Variants in ADAMTSL1 observed in about 807,000 individuals in gnomAD.
ADAMTSL1 encodes ADAMTS-like protein 1.
A neutral mutation model predicts 201.8 loss-of-function variants in ADAMTSL1; 126 were observed. The ratio of observed to expected loss-of-function variants is 0.62; its 90% CI spans 0.54 to 0.72. The LOEUF is 0.72. Among genes scored for constraint, ADAMTSL1 ranks in the 30% least tolerant of loss-of-function variants. The probability of loss-of-function intolerance (pLI) is 0.00; values close to 1 mark genes in which losing one functional copy is unlikely to be tolerated. For synonymous variants in ADAMTSL1, 1,121 were observed against 903.4 expected (o/e 1.24, Z -4.32); for missense variants, 2,679 against 2,277.8 (o/e 1.18, Z -3.59).
chr9:18,603,195 TAAC>T (rs71333049), intron 4 of ADAMTSL1, among the ~76,000 whole-genome samples: 78,531 of 151,612 alleles, frequency 0.52, 20,755 homozygotes, highest in East Asian at 0.69. Flanking sequence ...TGAATCCTTA[TAAC>T]AACAACTCTT....
At chr9:18,658,119 C>T (rs1410832640) in intron 8 of ADAMTSL1, among the ~76,000 whole-genome samples, 2 of 152,068 alleles carry the variant, frequency 1.3e-5, no homozygotes, top group Middle Eastern at 3.2e-3. Flanking sequence ...GGACTGCAGG[C>T]GCCCGCCACC....
rs1587438748 is a variant in ADAMTSL1, at chr9:18,271,094, C to G, written c.207+107113C>G. On this transcript the variant is annotated intron_variant, in intron 2 of 29. Coordinates refer to the ADAMTSL1 transcript ENST00000680146. The stretch of plus-strand genomic sequence containing the variant: ...TGTTGTAAACAGTGGAATTTGGGAA[C>G]TTATCTGTTCTAGTAACTAACATTG... 2.0e-5 allele frequency among the ~76,000 whole-genome samples: 3 copies of G among 152,110 alleles called. No homozygotes were observed. The South Asian group carries it at 6.2e-4, about 32-fold the overall frequency.
chr9:18,673,493 G>A (rs556841245), intron 9 of ADAMTSL1, among the ~76,000 whole-genome samples: 1 of 152,340 alleles, frequency 6.6e-6, no homozygotes, highest in African/African-American at 2.4e-5. Flanking sequence ...TAGTTTTGCT[G>A]AATCCAGGTT....
At chr9:18,021,286 A>G (rs7849523) in intron 1 of ADAMTSL1, among the ~76,000 whole-genome samples, 8,169 of 152,134 alleles carry the variant, frequency 0.054, 249 homozygotes, top group African/African-American at 0.074. Context: ...AACACTTCAT[A>G]TTTTCTTCTG....
chr9:18,727,131 A>G (rs1817939511), intron 15 of ADAMTSL1, among the ~76,000 whole-genome samples: 1 of 152,260 alleles, frequency 6.6e-6, no homozygotes, highest in African/African-American at 2.4e-5. Context: ...CTTTTATATT[A>G]GCTTACAATG....
intron 1 of ADAMTSL1, among the ~76,000 whole-genome samples, chr9:18,020,882 G>A (rs796967545): frequency 2.2e-4 from 34 of 152,214 alleles, no homozygotes; most frequent in African/African-American, 7.9e-4. Flanking sequence ...ACACTGTTAT[G>A]TTTAAAAGCC....
intron 1 of ADAMTSL1, among the ~76,000 whole-genome samples, chr9:18,060,268 G>A (rs777410102): frequency 1.3e-5 from 2 of 152,110 alleles, no homozygotes; most frequent in Non-Finnish European, 2.9e-5. Context: ...CTTTTGCCTG[G>A]ATCAAATATT....
At chr9:18,290,787 T>TTTTGTTTTTTTTTTTTTTTTG (rs1563862919) in intron 2 of ADAMTSL1, among the ~76,000 whole-genome samples, 1 of 146,102 alleles carries the variant, frequency 6.8e-6, no homozygotes, top group Non-Finnish European at 1.5e-5. Flanking sequence ...GTGTGTTTTT[T>TTTTGTTTTTTTTTTTTTTTTG]TTTTTTTTTT....
intron 1 of ADAMTSL1, among the ~76,000 whole-genome samples, chr9:17,924,315 T>A (rs1192341993): frequency 1.3e-5 from 2 of 152,166 alleles, no homozygotes; most frequent in Non-Finnish European, 2.9e-5. Context: ...CCGTTATTGG[T>A]CTATTCAGAG....
chr9:18,527,810 G>A (rs1168776649), intron 2 of ADAMTSL1, among the ~76,000 whole-genome samples: 1 of 152,138 alleles, frequency 6.6e-6, no homozygotes, highest in South Asian at 2.1e-4. Context: ...GACTGGGCAG[G>A]AGTAAAATGG....
At chr9:18,781,779 T>G (rs930956324) in intron 19 of ADAMTSL1, among the ~76,000 whole-genome samples, 1 of 152,242 alleles carries the variant, frequency 6.6e-6, no homozygotes, top group Non-Finnish European at 1.5e-5. Flanking sequence ...TGTGGGACTT[T>G]GCAATTTGTT....
chr9:18,600,833 C>A (rs1325610708), intron 4 of ADAMTSL1, among the ~76,000 whole-genome samples: 1 of 152,288 alleles, frequency 6.6e-6, no homozygotes, highest in South Asian at 2.1e-4. Context: ...TTAGCCTGTA[C>A]CTATGGTTGT....
Position 18,776,928 on chromosome 9 carries a change from C to T in ADAMTSL1, c.2699C>T (p.Pro900Leu), listed in dbSNP as rs376039296. ...LPKTAVVLRC[P>L]ARRVRKPLIT... is the part of the protein sequence containing the mutation. ...AAGACGGCGGTGGTGCTGCGCTGCCCGGCGCGCAGGGTCCGCAAGCCCCTC... is the reference window on the plus strand; with the variant it reads ...AAGACGGCGGTGGTGCTGCGCTGCCTGGCGCGCAGGGTCCGCAAGCCCCTC... Residue 900 changes from proline to leucine, a missense_variant, in exon 19 of 29, where the codon CCG (proline) becomes CTG (leucine). Transcript: ENST00000380548. 3.2e-5 allele frequency: 51 copies of T among 1,603,472 alleles called. No homozygotes were observed. The highest frequency in any genetic ancestry group is 3.8e-5 in the Non-Finnish European group (45 of 1,175,304).
At chr9:18,756,147 C>T (rs1330503446) in intron 16 of ADAMTSL1, among the ~76,000 whole-genome samples, 2 of 120,556 alleles carry the variant, frequency 1.7e-5, no homozygotes, top group Middle Eastern at 4.9e-3. Flanking sequence ...GGTGTGGTGG[C>T]GGGCACCTGT....
chr9:18,242,932 A>G (rs1037379442), intron 2 of ADAMTSL1, among the ~76,000 whole-genome samples: 4 of 152,208 alleles, frequency 2.6e-5, no homozygotes, highest in African/African-American at 4.8e-5. Context: ...AAATCAATAT[A>G]CAGATTCAAT....
intron 2 of ADAMTSL1, among the ~76,000 whole-genome samples, chr9:18,335,256 C>T (rs1049134709): frequency 3.3e-5 from 5 of 152,090 alleles, no homozygotes. Flanking sequence ...TGGGTTAAGA[C>T]AGGCAGCAGG....
chr9:18,207,353 T>C (rs1035217917), intron 2 of ADAMTSL1, among the ~76,000 whole-genome samples: 4 of 152,172 alleles, frequency 2.6e-5, no homozygotes, highest in Admixed American at 6.5e-5. Flanking sequence ...TATAATATGG[T>C]ATCTCATTTC....
chr9:17,962,372 C>G (rs1437078130), intron 1 of ADAMTSL1, among the ~76,000 whole-genome samples: 2 of 152,168 alleles, frequency 1.3e-5, no homozygotes, highest in African/African-American at 4.8e-5. Context: ...TTTTTTATCT[C>G]CGGTTTTGTG....
intron 1 of ADAMTSL1, among the ~76,000 whole-genome samples, chr9:18,481,187 A>G (rs17206965): frequency 0.079 from 12,048 of 152,280 alleles, 659 homozygotes; most frequent in Non-Finnish European, 0.12. Context: ...CACTTCTTGA[A>G]TATCCCTAGT....
Sources: allele counts gnomAD v4.1 joint callset (sites outside exome capture counted in the v4.1 genomes callset), GRCh38; gene constraint gnomAD v4.1.1; transcripts MANE v1.5; gene names NCBI Gene and HGNC (gene_info 2026-07-23, HGNC 2026-07-21).